EFCAB8: variants seen among roughly 807,000 people sequenced by gnomAD.
EFCAB8 encodes the protein EF-hand calcium binding domain 8.
In EFCAB8, 100 loss-of-function variants were observed where a neutral mutation model predicts 116.3. The ratio of observed to expected loss-of-function variants is 0.86; its 90% CI spans 0.73 to 1.02. EFCAB8 has a LOEUF of 1.02. EFCAB8 is among the 50% of genes least tolerant of loss of function. The pLI is 0.00. For missense variants in EFCAB8, 1,320 were observed against 1,416.9 expected, an observed-to-expected ratio of 0.93 and a Z score of 1.10; for synonymous variants, 558 against 567.9, an observed-to-expected ratio of 0.98 and a Z score of 0.25.
chr20:32,884,151 C>T (rs562586646), intron 5 of EFCAB8, among the ~76,000 whole-genome samples: 3 of 152,292 alleles, frequency 2.0e-5, no homozygotes, highest in East Asian at 1.9e-4. Context: ...CCTACAAACC[C>T]GGAGAGCATT....
intron 11 of EFCAB8, chr20:32,903,571 A>G (rs1166332808): frequency 6.6e-6 from 1 of 152,192 alleles, no homozygotes; most frequent in East Asian, 1.9e-4. Flanking sequence ...AATTTCTACT[A>G]ACATTTTGGT....
chr20:32,864,416 C>T (rs935230799), intron 2 of EFCAB8, among the ~76,000 whole-genome samples: 7 of 151,932 alleles, frequency 4.6e-5, no homozygotes, highest in Admixed American at 2.6e-4. Flanking sequence ...AACCCCATCT[C>T]TACAAAAAGT....
At chr20:32,958,354 A>G in intron 23 of EFCAB8, 67 bp from the exon 24 acceptor site, 1 of 414,496 alleles carries the variant, frequency 2.4e-6, no homozygotes, top group Non-Finnish European at 4.4e-6. Context: ...GGGAGAGGAT[A>G]AGGGGCAGAG....
chr20:32,914,413 G>A (rs1987087563), intron 17 of EFCAB8, among the ~76,000 whole-genome samples: 1 of 152,160 alleles, frequency 6.6e-6, no homozygotes. Flanking sequence ...CTTCTGTTGG[G>A]TTGGCTGATC....
At chr20:32,944,120 G>T (rs553471955) in intron 23 of EFCAB8, among the ~76,000 whole-genome samples, 1 of 152,118 alleles carries the variant, frequency 6.6e-6, no homozygotes, top group South Asian at 2.1e-4. Flanking sequence ...AAACCAGAAG[G>T]GTTCAGCTTG....
Position 32,931,325 on chromosome 20 carries a change from G to A in EFCAB8, c.2779G>A (p.Glu927Lys). 2 of 1,543,642 alleles carry A rather than the reference G, an allele frequency of 1.3e-6. No homozygotes were observed. The highest frequency in any genetic ancestry group is 1.7e-6 in the Non-Finnish European group (2 of 1,143,296). Residue 927 changes from glutamate to lysine, a missense_variant, in exon 22 of 27, where the codon GAG becomes AAG. Coordinates refer to ENST00000400522, the MANE Select transcript of EFCAB8 (RefSeq NM_001143967.2). The part of the protein sequence containing the change: ...GTNFPHYIPL[E>K]DKEVVAGHTI... ...CAACTTCCCACACTACATTCCCTTG[G>A]AGGATAAAGAGGTAGGAGGATTACT...
At chr20:32,946,261 A>G (rs1988591992) in intron 23 of EFCAB8, among the ~76,000 whole-genome samples, 1 of 152,192 alleles carries the variant, frequency 6.6e-6, no homozygotes, top group Non-Finnish European at 1.5e-5. Context: ...TGCATGTTGG[A>G]TGTACATCTC....
At chr20:32,938,519 A>G (rs1988209595) in intron 22 of EFCAB8, among the ~76,000 whole-genome samples, 1 of 149,880 alleles carries the variant, frequency 6.7e-6, no homozygotes. Flanking sequence ...CTATCTGCAG[A>G]TGACATAATC....
chr20:32,879,226 G>A (rs1205892717), intron 5 of EFCAB8, among the ~76,000 whole-genome samples: 5 of 152,182 alleles, frequency 3.3e-5, no homozygotes, highest in Non-Finnish European at 5.9e-5. Flanking sequence ...GGCAGGAATA[G>A]GAGTTTCCTC....
At position 32,926,139 on chromosome 20, in the gene EFCAB8, C is replaced by A. The variant is rs751381980; in HGVS notation, c.2413-4259C>A. Among the ~76,000 whole-genome samples, 7 of 152,334 alleles carry A rather than the reference C, an allele frequency of 4.6e-5. No homozygotes were observed. The South Asian group carries it at 1.4e-3, about 32-fold the overall frequency. ...CCTTCACCCTACCTGCTCTCACCGT[C>A]CCAGGGCTGGCAAAGGAATGGCTGG... On this transcript the variant is annotated intron_variant, in intron 20 of 26. Transcript: ENST00000400522.
intron 5 of EFCAB8, among the ~76,000 whole-genome samples, chr20:32,882,128 G>A (rs912726502): frequency 2.0e-5 from 3 of 152,096 alleles, no homozygotes; most frequent in African/African-American, 7.2e-5. Flanking sequence ...AACCCAGGAG[G>A]CAGAGGTTGC....
chr20:32,904,024 T>G (rs1316739431), intron 11 of EFCAB8, among the ~76,000 whole-genome samples: 1 of 151,914 alleles, frequency 6.6e-6, no homozygotes, highest in Non-Finnish European at 1.5e-5. Context: ...TTTGGGTTTT[T>G]TTTTTCTGAG....
In EFCAB8 at chr20:32,882,560, G is replaced by A. The variant is rs573027137; in HGVS notation, c.432-2945G>A. The stretch of plus-strand genomic sequence containing the variant: ...TTTTGAGACAAGGTCTTGCTCTGTG[G>A]CCCAGGCTAGAATGCAGTGGCATCA... On this transcript the variant is annotated intron_variant, in intron 5 of 26. Coordinates refer to ENST00000400522, the MANE Select transcript of EFCAB8 (RefSeq NM_001143967.2). 5.3e-5 allele frequency among the ~76,000 whole-genome samples: 8 copies of A among 152,204 alleles called. No individual in the cohort carries two copies. The East Asian group carries it at 1.5e-3, about 29-fold the overall frequency.
chr20:32,948,704 C>T (rs181086163), intron 23 of EFCAB8, among the ~76,000 whole-genome samples: 3 of 152,176 alleles, frequency 2.0e-5, no homozygotes, highest in East Asian at 1.9e-4. Context: ...CCCAGATATA[C>T]AAGGTTGGTT....
At chr20:32,885,124 C>G (rs1371006625) in intron 5 of EFCAB8, among the ~76,000 whole-genome samples, 1 of 119,014 alleles carries the variant, frequency 8.4e-6, no homozygotes, top group Non-Finnish European at 2.0e-5. Flanking sequence ...TCAGGCTCCA[C>G]TCTGCTCACC....
chr20:32,920,045 C>T (rs1435667501), intron 19 of EFCAB8, 33 bp from the exon 20 acceptor site: 3 of 1,551,662 alleles, frequency 1.9e-6, no homozygotes, highest in Non-Finnish European at 2.6e-6. Context: ...GAAACACCCT[C>T]ATGGTGACTT....
rs1394444766 is a variant in EFCAB8 at position 32,890,283 on chromosome 20, C to T, written c.673+877C>T. 5.9e-5 allele frequency among the ~76,000 whole-genome samples: 9 copies of T among 152,122 alleles called. No individual in the cohort carries two copies. The East Asian group carries it at 1.5e-3, about 26-fold the overall frequency. On this transcript the variant is annotated intron_variant, in intron 7 of 26. Transcript: ENST00000400522. Reference sequence around the variant, plus strand: ...TCTGTGCTCTGCCATCCCTCCTGCCCCTCTCTCTGCCCCAACAGCCTCTGC... The same window carrying T: ...TCTGTGCTCTGCCATCCCTCCTGCCTCTCTCTCTGCCCCAACAGCCTCTGC...
At chr20:32,950,779 A>G (rs1057469945) in intron 23 of EFCAB8, among the ~76,000 whole-genome samples, 1 of 152,188 alleles carries the variant, frequency 6.6e-6, no homozygotes, top group Non-Finnish European at 1.5e-5. Flanking sequence ...CAGTTACCCA[A>G]GAGACCTCCC....
intron 23 of EFCAB8, among the ~76,000 whole-genome samples, chr20:32,955,896 T>C (rs1427280905): frequency 6.6e-6 from 1 of 152,240 alleles, no homozygotes; most frequent in Non-Finnish European, 1.5e-5. Flanking sequence ...TTAAACAATG[T>C]ATAATTGAGT....
Sources: allele counts gnomAD v4.1 joint callset (sites outside exome capture counted in the v4.1 genomes callset), GRCh38; gene constraint gnomAD v4.1.1; transcripts MANE v1.5; gene names NCBI Gene and HGNC (gene_info 2026-07-23, HGNC 2026-07-21).